STK32B: variants seen among roughly 807,000 people sequenced by gnomAD.
STK32B encodes the protein serine/threonine-protein kinase 32B.
In STK32B, 43 loss-of-function variants were observed where a neutral mutation model predicts 52.6. The ratio of observed to expected loss-of-function variants is 0.82; its 90% CI spans 0.64 to 1.05. The LOEUF (loss-of-function observed/expected upper bound fraction) is 1.05, where lower values mean the gene tolerates loss of function less well. Ranked by LOEUF, STK32B falls within the 50% of genes least tolerant of loss-of-function variation. STK32B has a pLI of 0.00. For synonymous variants in STK32B, 238 were observed against 204.3 expected (o/e 1.17, Z -1.41); for missense variants, 621 against 534.6 (o/e 1.16, Z -1.59).
At position 5,416,769 on chromosome 4, in the gene STK32B, C is replaced by G. The variant is rs186495821; in HGVS notation, c.473-76C>G. 422 of 1,293,974 alleles carry G rather than the reference C, an allele frequency of 3.3e-4. 2 individuals are homozygous for G. The African/African-American group carries it at 5.6e-3, about 17-fold the overall frequency. The allele number at this position is 1,293,974 out of a possible 1,614,324, so 80.2% of individuals were successfully genotyped here. A position where few individuals can be genotyped will look rare whatever the true frequency, so the allele number is the denominator to read the frequency against. Reference sequence around the variant, plus strand: ...TAATGTTTTCTTCACGGTATCTCACCTTGCAAACCACAGCTTTAAATAACC... The same window carrying G: ...TAATGTTTTCTTCACGGTATCTCACGTTGCAAACCACAGCTTTAAATAACC... On this transcript the variant is annotated intron_variant, in intron 5 of 11. Transcript: ENST00000282908.
intron 6 of STK32B, among the ~76,000 whole-genome samples, chr4:5,429,029 T>C (rs1411406364): frequency 6.6e-6 from 1 of 152,204 alleles, no homozygotes; most frequent in African/African-American, 2.4e-5. Context: ...TTCCATGATA[T>C]AAGGACTCCA....
At chr4:5,343,413 G>C (rs372852150) in intron 4 of STK32B, among the ~76,000 whole-genome samples, 2 of 152,060 alleles carry the variant, frequency 1.3e-5, no homozygotes, top group Admixed American at 6.6e-5. Flanking sequence ...GTAAACATAC[G>C]TATGCATGTG....
At chr4:5,286,319 T>C (rs1032007474) in intron 3 of STK32B, among the ~76,000 whole-genome samples, 7 of 152,138 alleles carry the variant, frequency 4.6e-5, no homozygotes, top group African/African-American at 1.2e-4. Context: ...AGTCGGATAC[T>C]TTAATATAAG....
At chr4:5,485,598 T>G (rs189137702) in intron 11 of STK32B, among the ~76,000 whole-genome samples, 446 of 152,352 alleles carry the variant, frequency 2.9e-3, no homozygotes, top group African/African-American at 0.01. Context: ...GTCAAAGTCA[T>G]TCTCCCTCCA....
intron 3 of STK32B, among the ~76,000 whole-genome samples, chr4:5,257,069 G>A (rs1726362155): frequency 6.9e-6 from 1 of 145,310 alleles, no homozygotes; most frequent in African/African-American, 2.8e-5. Flanking sequence ...GTGAGTAAAT[G>A]AATGAATAAG....
At chr4:5,349,082 ATGCCT>A (rs541706938) in intron 4 of STK32B, among the ~76,000 whole-genome samples, 22,289 of 152,044 alleles carry the variant, frequency 0.15, 2,262 homozygotes, top group African/African-American at 0.28. Context: ...CATTCATGTC[ATGCCT>A]GCTACTCAGG....
At chr4:5,124,704 G>C (rs1232449109) in intron 1 of STK32B, among the ~76,000 whole-genome samples, 2 of 152,220 alleles carry the variant, frequency 1.3e-5, no homozygotes, top group Non-Finnish European at 2.9e-5. Flanking sequence ...ATGTGTACAT[G>C]TCTGTGTGCA....
intron 3 of STK32B, among the ~76,000 whole-genome samples, chr4:5,177,566 C>T (rs190096611): frequency 2.3e-4 from 35 of 152,252 alleles, no homozygotes; most frequent in African/African-American, 6.3e-4. Flanking sequence ...TAACTTATTC[C>T]GGCATTAACT....
the STK32B span, among the ~76,000 whole-genome samples, chr4:5,044,523 A>G: frequency 6.6e-6 from 1 of 152,108 alleles, no homozygotes; most frequent in African/African-American, 2.4e-5. Flanking sequence ...GTTCAAGCCA[A>G]AAGATTTGAG....
intron 11 of STK32B, among the ~76,000 whole-genome samples, chr4:5,498,007 C>G (rs1049526391): frequency 1.3e-5 from 2 of 152,098 alleles, no homozygotes; most frequent in African/African-American, 4.8e-5. Flanking sequence ...CATGTATTCT[C>G]TATGATCCCC....
At chr4:5,157,229 C>T (rs369752147) in intron 2 of STK32B, among the ~76,000 whole-genome samples, 3 of 147,888 alleles carry the variant, frequency 2.0e-5, no homozygotes, top group African/African-American at 7.5e-5. Flanking sequence ...TGGCAGGATA[C>T]TGAGTTCAAC....
chr4:5,338,392 A>G (rs1316626724), intron 4 of STK32B, among the ~76,000 whole-genome samples: 1 of 152,218 alleles, frequency 6.6e-6, no homozygotes, highest in Non-Finnish European at 1.5e-5. Flanking sequence ...GCGATGCTGT[A>G]CTTCCTAAAG....
rs1737830979 is a variant in STK32B, at chr4:5,408,611, G to A, written c.473-8234G>A. On this transcript the variant is annotated intron_variant, in intron 5 of 11. Coordinates refer to ENST00000282908, the MANE Select transcript of STK32B (RefSeq NM_018401.3). ...CACCCTCCTCGTGGAAATTGAAAGTGAAGGACAATCCTTCCCTCCTATATT... is the reference window on the plus strand; with the variant it reads ...CACCCTCCTCGTGGAAATTGAAAGTAAAGGACAATCCTTCCCTCCTATATT... Among the ~76,000 whole-genome samples, 3 of 152,256 alleles carry A rather than the reference G, an allele frequency of 2.0e-5. No homozygotes were observed. In the South Asian group the frequency reaches 6.2e-4, roughly 32 times the overall value.
At chr4:5,047,821 G>A (rs1254809987), upstream of STK32B, among the ~76,000 whole-genome samples, 6 of 152,294 alleles carry the variant, frequency 3.9e-5, no homozygotes, top group East Asian at 1.2e-3. Context: ...CCTAACCCCT[G>A]GAACTGTATG....
intron 3 of STK32B, among the ~76,000 whole-genome samples, chr4:5,222,653 G>T (rs1723613953): frequency 6.6e-6 from 1 of 152,186 alleles, no homozygotes; most frequent in African/African-American, 2.4e-5. Context: ...AATATTTGCT[G>T]GAGGAAATCT....
chr4:5,164,882 T>C (rs967424052), intron 2 of STK32B, among the ~76,000 whole-genome samples: 2 of 152,222 alleles, frequency 1.3e-5, no homozygotes, highest in African/African-American at 2.4e-5. Context: ...CTCTTTGTTT[T>C]TTGTTTTTTT....
chr4:5,184,695 A>AAAAAAAATAAG (rs58321341), intron 3 of STK32B, among the ~76,000 whole-genome samples: 2 of 137,560 alleles, frequency 1.5e-5, no homozygotes, highest in African/African-American at 5.4e-5. Flanking sequence ...AAAAAAAAAA[A>AAAAAAAATAAG]AAGAAGAAGA....
intron 3 of STK32B, among the ~76,000 whole-genome samples, chr4:5,247,837 C>G (rs1725574426): frequency 6.6e-6 from 1 of 152,064 alleles, no homozygotes; most frequent in Non-Finnish European, 1.5e-5. Flanking sequence ...CCATACTGCC[C>G]TATGTCTGAG....
chr4:5,263,466 T>C (rs927889784), intron 3 of STK32B, among the ~76,000 whole-genome samples: 3 of 152,144 alleles, frequency 2.0e-5, no homozygotes, highest in Non-Finnish European at 4.4e-5. Flanking sequence ...CTGATGTCCA[T>C]CTCTGTAGTG....
Sources: gnomAD v4.1 joint callset for allele counts (sites outside exome capture counted in the v4.1 genomes callset) on GRCh38, gnomAD v4.1.1 for gene constraint, MANE v1.5 for transcripts, NCBI Gene and HGNC (gene_info 2026-07-23, HGNC 2026-07-21) for gene names.